MTMR4: variants seen among roughly 807,000 people sequenced by gnomAD.
The protein encoded by MTMR4 is phosphatidylinositol-3,5-bisphosphate 3-phosphatase MTMR4.
MTMR4 carries 30 observed loss-of-function variants against 125.5 expected under a neutral mutation model. That is an observed-to-expected ratio of 0.24 (90% confidence interval 0.18 to 0.32). The LOEUF is 0.32. Among genes scored for constraint, MTMR4 ranks in the 10% least tolerant of loss-of-function variants. The pLI is 1.00. For synonymous variants in MTMR4, 498 were observed against 564.5 expected, an observed-to-expected ratio of 0.88 and a Z score of 1.67; for missense variants, 1,039 against 1,511.5, an observed-to-expected ratio of 0.69 and a Z score of 5.18.
At chr17:58,505,894 G>A (rs1485040255) in intron 9 of MTMR4, among the ~76,000 whole-genome samples, 3 of 152,146 alleles carry the variant, frequency 2.0e-5, no homozygotes, top group Non-Finnish European at 4.4e-5. Flanking sequence ...GCGACAGAGC[G>A]AGACTCCGTC....
In MTMR4 at chr17:58,504,064, G is replaced by A; in HGVS notation, c.1684C>T (p.Pro562Ser). The A allele has an allele frequency of 6.4e-7, 1 of 1,564,232 alleles. No individual in the cohort carries two copies. Among genetic ancestry groups the A allele is most frequent in the Non-Finnish European group, 8.6e-7 (1 of 1,156,294 alleles). Residue 562 changes from proline to serine, a missense_variant, in exon 13 of 18, where the codon CCC (proline) becomes TCC (serine). Coordinates refer to ENST00000682306, the MANE Select transcript of MTMR4 (RefSeq NM_001378067.1). The surrounding 1 kb of genome is among the most constrained non-coding windows in gnomAD (Gnocchi z 7.1). ...CTCAGACTCACCATGTCTGAGCTGG[G>A]TGTGTAGAGGAAGTTATGAAAGTTT... ...NKNFHNFLYT[P>S]SSDMVLHPVC... is the part of the protein sequence containing the mutation.
Position 58,508,036 on chromosome 17 carries a change from G to T in MTMR4, c.707+125C>A. 3 of 662,552 alleles carry T rather than the reference G, an allele frequency of 4.5e-6. No individual in the cohort carries two copies. The highest frequency in any genetic ancestry group is 7.7e-6 in the Non-Finnish European group (3 of 387,214). The allele number at this position is 662,552 out of a possible 1,614,324, so 41.0% of individuals were successfully genotyped here. A position where few individuals can be genotyped will look rare whatever the true frequency, so the allele number is the denominator to read the frequency against. On this transcript the variant is annotated intron_variant, in intron 7 of 17. Transcript: ENST00000682306. This position sits in a 1 kb window ranked among gnomAD's most constrained non-coding sequence, Gnocchi z 4.8. ...AAACTAAGATAGTTTTTGTTTTAAA[G>T]TTATTTCATACTTCCCCATAGAGTG...
Position 58,508,811 on chromosome 17 carries a change from T to A in MTMR4, c.366A>T (p.Gln122His). 6.2e-7 allele frequency: 1 copy of A among 1,614,132 alleles called. No homozygotes were observed. Among genetic ancestry groups the A allele is most frequent in the Non-Finnish European group, 8.5e-7 (1 of 1,179,998 alleles). Residue 122 changes from glutamine (Q) to histidine (H), a missense_variant, in exon 5 of 18, where the codon CAA (glutamine) becomes CAT (histidine). This residue lies in a region of MTMR4 where 202 missense variants were observed against 311.9 expected (regional missense o/e 0.65). Transcript: ENST00000682306. The surrounding 1 kb of genome is among the most constrained non-coding windows in gnomAD (Gnocchi z 4.8). ...RCHFSTFKQC[Q>H]EWLSRLSRAT... ...CTCGGCTTAGCCGTGAGAGCCACTC[T>A]TGGCACTGCTTAAAAGTGGAGAAGT... is the stretch of plus-strand genomic sequence containing the variant.
In MTMR4 at chr17:58,512,886, G is replaced by T. The variant is rs752406126; in HGVS notation, c.101C>A (p.Pro34His). ...EYIQAKDLFPPKELVKEEENL... is the reference protein window; with the variant it reads ...EYIQAKDLFPHKELVKEEENL... ...CTCTTCCTCCTTCACTAGTTCCTTGGGGGGGAACAGATCCTTGGCTTGGAT... is the reference window on the plus strand; with the variant it reads ...CTCTTCCTCCTTCACTAGTTCCTTGTGGGGGAACAGATCCTTGGCTTGGAT... Residue 34 changes from proline to histidine, a missense_variant, in exon 2 of 18, where the codon CCC (proline) becomes CAC (histidine). Pro to His is a moderately conservative substitution (Grantham distance 77, BLOSUM62 -2). Coordinates refer to ENST00000682306, the MANE Select transcript of MTMR4 (RefSeq NM_001378067.1). The surrounding 1 kb of genome is among the most constrained non-coding windows in gnomAD (Gnocchi z 4.1). 34 of 1,612,666 alleles carry T rather than the reference G, an allele frequency of 2.1e-5. No individual in the cohort carries two copies. Among genetic ancestry groups the T allele is most frequent in the Non-Finnish European group, 2.4e-5 (28 of 1,179,414 alleles).
At position 58,495,896 on chromosome 17, in the gene MTMR4, C is replaced by G; in HGVS notation, c.2288G>C (p.Gly763Ala). 6.2e-7 allele frequency: 1 copy of G among 1,614,132 alleles called. No homozygotes were observed. Among genetic ancestry groups the G allele is most frequent in the Non-Finnish European group, 8.5e-7 (1 of 1,180,028 alleles). Reference sequence around the variant, plus strand: ...TTCAGGACAATGTTCAGGTGGCTCCCCTATGCCATCTAAAGTCCTACCCAG... The same window carrying G: ...TTCAGGACAATGTTCAGGTGGCTCCGCTATGCCATCTAAAGTCCTACCCAG... ...DELGRTLDGI[G>A]EPPEHCPETE... Residue 763 changes from glycine to alanine, a missense_variant, in exon 15 of 18, where the codon GGG (glycine) becomes GCG (alanine). By Grantham distance (60) the Gly-to-Ala change is moderately conservative. This residue lies in a region of MTMR4 where 619 missense variants were observed against 714.5 expected (regional missense o/e 0.87). Coordinates refer to ENST00000682306, the MANE Select transcript of MTMR4 (RefSeq NM_001378067.1).
At chr17:58,494,252 C>T (rs915918655) in intron 15 of MTMR4, among the ~76,000 whole-genome samples, 1 of 141,164 alleles carries the variant, frequency 7.1e-6, no homozygotes, top group South Asian at 2.3e-4. Context: ...CCCGGGAGGG[C>T]GGAGGTTGCA....
At chr17:58,516,627 A>T (rs1263050695), upstream of MTMR4, 1 of 1,613,466 alleles carries the variant, frequency 6.2e-7, no homozygotes, top group East Asian at 2.2e-5. Context: ...CACTGTAAGG[A>T]GACAGAGGAA....
Position 58,500,443 on chromosome 17 carries a change from T to C in MTMR4, c.1853+3301A>G, listed in dbSNP as rs575887606. The stretch of plus-strand genomic sequence containing the variant: ...CACCCAGCCTGAACTACACACATTC[T>C]TATCTGCTTAGATGTTGACTTAGAA... On this transcript the variant is annotated intron_variant, in intron 14 of 17. Coordinates refer to ENST00000682306, the MANE Select transcript of MTMR4 (RefSeq NM_001378067.1). Among the ~76,000 whole-genome samples, 7 of 152,128 alleles carry C rather than the reference T, an allele frequency of 4.6e-5. No individual in the cohort carries two copies. In the East Asian group the frequency reaches 1.4e-3, roughly 29 times the overall value.
chr17:58,500,747 CAAAAAAAAAA>C (rs60355286), intron 14 of MTMR4, among the ~76,000 whole-genome samples: 54 of 92,196 alleles, frequency 5.9e-4, no homozygotes, highest in East Asian at 6.5e-4. Context: ...GATTCTGTCT[CAAAAAAAAAA>C]AAAAAAAAAA....
rs1282631434 is a variant in MTMR4, at chr17:58,490,459, C to T, written c.*1204G>A. ...AATAAAATTTTTTAAAAACCAACAACGTTTGGTCCAAATGGACACATGTTC... is the reference window on the plus strand; with the variant it reads ...AATAAAATTTTTTAAAAACCAACAATGTTTGGTCCAAATGGACACATGTTC... On this transcript the variant is annotated 3_prime_UTR_variant, in exon 18 of 18. Coordinates refer to ENST00000682306, the MANE Select transcript of MTMR4 (RefSeq NM_001378067.1). The T allele has an allele frequency of 6.6e-6, 1 of 152,604 alleles. No individual in the cohort carries two copies. The highest frequency in any genetic ancestry group is 2.4e-5 in the African/African-American group (1 of 41,432). The allele number at this position is 152,604 out of a possible 1,614,324, so 9.5% of individuals were successfully genotyped here. A position where few individuals can be genotyped will look rare whatever the true frequency, so the allele number is the denominator to read the frequency against.
At chr17:58,511,748 CAGTT>C (rs765509874) in intron 3 of MTMR4, among the ~76,000 whole-genome samples, 80 of 152,312 alleles carry the variant, frequency 5.3e-4, no homozygotes, top group Non-Finnish European at 7.5e-4. Context: ...AATCAAGCCT[CAGTT>C]AGGTGACTTG....
intron 17 of MTMR4, 28 bp downstream of exon 17, chr17:58,492,483 T>C (rs1369065776): frequency 7.2e-7 from 1 of 1,391,400 alleles, no homozygotes; most frequent in Middle Eastern, 1.8e-4. Flanking sequence ...CTGTTTTTTG[T>C]CATACTAAAT....
At chr17:58,500,426 C>A (rs1460293526) in intron 14 of MTMR4, among the ~76,000 whole-genome samples, 1 of 151,918 alleles carries the variant, frequency 6.6e-6, no homozygotes, top group Non-Finnish European at 1.5e-5. Flanking sequence ...TGCACCCAGC[C>A]TGAACTACAC....
upstream of MTMR4, among the ~76,000 whole-genome samples, chr17:58,515,737 G>C (rs1957391117): frequency 6.6e-6 from 1 of 152,200 alleles, no homozygotes. Context: ...TTTCTGAGAA[G>C]AGACTGAACC....
intron 4 of MTMR4, among the ~76,000 whole-genome samples, chr17:58,510,443 C>T (rs868061932): frequency 1.3e-5 from 2 of 152,248 alleles, no homozygotes; most frequent in East Asian, 1.9e-4. Flanking sequence ...AGTCTTGACT[C>T]GACTGCCACC....
upstream of MTMR4, chr17:58,515,018 A>G (rs1487955711): frequency 2.0e-6 from 2 of 984,646 alleles, no homozygotes; most frequent in Non-Finnish European, 2.4e-6. Flanking sequence ...AGGGTCCTTC[A>G]ATCCCGTGAC....
rs1474434014 is a variant in MTMR4 at position 58,508,350 on chromosome 17, T to A, written c.594-76A>T. 1.3e-6 allele frequency: 2 copies of A among 1,554,510 alleles called. No individual in the cohort carries two copies. The highest frequency in any genetic ancestry group is 2.2e-5 in the East Asian group (1 of 44,566). On this transcript the variant is annotated intron_variant, in intron 6 of 17. Transcript: ENST00000682306. This position sits in a 1 kb window ranked among gnomAD's most constrained non-coding sequence, Gnocchi z 4.8. ...GACAGGATCCCTGGGGATGGCTTTG[T>A]GGGAAGAGAAACCATGAGCCTTCCT...
In MTMR4 at chr17:58,496,414, C is replaced by G. The variant is rs890061816; in HGVS notation, c.1854-84G>C. 4 of 1,146,570 alleles carry G rather than the reference C, an allele frequency of 3.5e-6. No individual in the cohort carries two copies. In the African/African-American group the frequency reaches 6.2e-5, roughly 18 times the overall value. The allele number at this position is 1,146,570 out of a possible 1,614,324, so 71.0% of individuals were successfully genotyped here. ...TGGAACTGAATCAATGGAGCAATAT[C>G]AAAGCCAGAGTTTAGAAATAATGAC... On this transcript the variant is annotated intron_variant, in intron 14 of 17. Transcript: ENST00000682306.
intron 14 of MTMR4, among the ~76,000 whole-genome samples, chr17:58,502,211 G>C (rs1975659688): frequency 6.9e-6 from 1 of 145,696 alleles, no homozygotes; most frequent in Non-Finnish European, 1.5e-5. Flanking sequence ...AGGCTGGAGT[G>C]CGTGGCGTGA....
Sources: allele counts gnomAD v4.1 joint callset (sites outside exome capture counted in the v4.1 genomes callset), GRCh38; gene constraint gnomAD v4.1.1; regional missense constraint gnomAD v4.1.1; non-coding constraint Gnocchi (gnomAD v3.1); transcripts MANE v1.5; gene names NCBI Gene and HGNC (gene_info 2026-07-23, HGNC 2026-07-21).